Variants in OPCML observed in about 807,000 individuals in gnomAD.
OPCML encodes opioid-binding protein/cell adhesion molecule.
In OPCML, 13 loss-of-function variants were observed where a neutral mutation model predicts 37.8. The ratio of observed to expected loss-of-function variants is 0.34; its 90% CI spans 0.22 to 0.55. OPCML has a LOEUF of 0.55. Ranked by LOEUF, OPCML falls within the 20% of genes least tolerant of loss-of-function variation. OPCML has a pLI of 0.91. For synonymous variants in OPCML, 176 were observed against 168.8 expected, an observed-to-expected ratio of 1.04 and a Z score of -0.33; for missense variants, 341 against 435.6, an observed-to-expected ratio of 0.78 and a Z score of 1.93.
chr11:132,686,895 C>T (rs946350330), intron 2 of OPCML, among the ~76,000 whole-genome samples: 2 of 152,018 alleles, frequency 1.3e-5, no homozygotes, highest in Non-Finnish European at 2.9e-5. Flanking sequence ...GAGAAAAGGC[C>T]GTGGCACAGA....
At chr11:133,115,013 A>G (rs961944715) in intron 1 of OPCML, among the ~76,000 whole-genome samples, 1 of 152,206 alleles carries the variant, frequency 6.6e-6, no homozygotes. Context: ...ACAGTCTTCA[A>G]ACACTGGATC....
intron 1 of OPCML, among the ~76,000 whole-genome samples, chr11:133,344,049 A>G (rs565003369): frequency 3.2e-4 from 48 of 152,318 alleles, no homozygotes; most frequent in African/African-American, 1.1e-3. Context: ...AAACACATTG[A>G]CAAGGTGCGC....
chr11:133,488,888 G>T (rs571347722), intron 1 of OPCML, among the ~76,000 whole-genome samples: 2 of 149,380 alleles, frequency 1.3e-5, no homozygotes, highest in South Asian at 4.4e-4. Flanking sequence ...TAGATCAATG[G>T]GACAGAAGAG....
At chr11:133,271,209 G>C (rs1941819419) in intron 1 of OPCML, among the ~76,000 whole-genome samples, 2 of 152,240 alleles carry the variant, frequency 1.3e-5, no homozygotes, top group South Asian at 4.2e-4. Context: ...CATTTTTATA[G>C]AGATTAAAAA....
chr11:133,481,533 A>C (rs1237396336), intron 1 of OPCML, among the ~76,000 whole-genome samples: 1 of 152,216 alleles, frequency 6.6e-6, no homozygotes. Flanking sequence ...AAATGTATTC[A>C]GGCCATCCAT....
At chr11:133,283,346 C>G (rs1049048231) in intron 1 of OPCML, among the ~76,000 whole-genome samples, 1 of 151,986 alleles carries the variant, frequency 6.6e-6, no homozygotes, top group South Asian at 2.1e-4. Context: ...CGATATTTGG[C>G]TATTTAAAAG....
chr11:132,667,041 G>A (rs909057179), intron 2 of OPCML, among the ~76,000 whole-genome samples: 3 of 152,194 alleles, frequency 2.0e-5, no homozygotes, highest in African/African-American at 7.2e-5. Context: ...TAGAGTGAAG[G>A]AAGGAGTCAT....
chr11:132,526,641 T>C (rs1184686863), intron 4 of OPCML, among the ~76,000 whole-genome samples: 2 of 152,100 alleles, frequency 1.3e-5, no homozygotes, highest in African/African-American at 4.8e-5. Flanking sequence ...AAAGATCCAG[T>C]CTCTTATTTG....
At chr11:133,012,908 T>C (rs1359440688) in intron 1 of OPCML, among the ~76,000 whole-genome samples, 1 of 151,926 alleles carries the variant, frequency 6.6e-6, no homozygotes, top group African/African-American at 2.4e-5. Context: ...AGTCTGTACT[T>C]GGACTTTCCC....
chr11:133,531,855 T>G (rs1948612164), intron 1 of OPCML, among the ~76,000 whole-genome samples: 2 of 151,200 alleles, frequency 1.3e-5, no homozygotes. Flanking sequence ...CTGAGAGAGA[T>G]AAGAGGGTGC....
intron 1 of OPCML, among the ~76,000 whole-genome samples, chr11:133,218,640 T>C (rs927565645): frequency 6.6e-6 from 1 of 152,178 alleles, no homozygotes; most frequent in South Asian, 2.1e-4. Context: ...TGTCTGCAGC[T>C]GGCATAGAGG....
chr11:133,207,769 G>A (rs1053083954), intron 1 of OPCML, among the ~76,000 whole-genome samples: 1 of 152,272 alleles, frequency 6.6e-6, no homozygotes, highest in East Asian at 1.9e-4. Context: ...CTATTTGGCA[G>A]CCCAGGCTTC....
At chr11:133,289,574 G>C (rs866027998) in intron 1 of OPCML, among the ~76,000 whole-genome samples, 1 of 126,170 alleles carries the variant, frequency 7.9e-6, no homozygotes, top group Non-Finnish European at 1.6e-5. Context: ...CAGCCTGGGC[G>C]ACAGAGCGAG....
At chr11:133,121,113 G>A (rs1003073627) in intron 1 of OPCML, among the ~76,000 whole-genome samples, 2 of 152,072 alleles carry the variant, frequency 1.3e-5, no homozygotes, top group African/African-American at 4.8e-5. Context: ...ACTAGAGACG[G>A]GTTTCATGTT....
intron 1 of OPCML, among the ~76,000 whole-genome samples, chr11:133,017,138 GT>G (rs1947349146): frequency 1.3e-5 from 2 of 152,048 alleles, no homozygotes; most frequent in East Asian, 3.9e-4. Context: ...ATCTTTCTGT[GT>G]CCTCACGTGG....
intron 6 of OPCML, 73 bp from the exon 7 acceptor site, chr11:132,436,310 A>T: frequency 6.2e-7 from 1 of 1,608,846 alleles, no homozygotes; most frequent in South Asian, 1.1e-5. Context: ...TCTTTTCTCC[A>T]ACTAATCTCG....
intron 1 of OPCML, among the ~76,000 whole-genome samples, chr11:133,214,279 C>G (rs886734922): frequency 6.6e-6 from 1 of 151,928 alleles, no homozygotes; most frequent in Non-Finnish European, 1.5e-5. Flanking sequence ...ATCTATCTAA[C>G]GTCATTTATG....
chr11:133,357,145 A>G (rs1168247726), intron 1 of OPCML, among the ~76,000 whole-genome samples: 2 of 152,162 alleles, frequency 1.3e-5, no homozygotes, highest in African/African-American at 4.8e-5. Flanking sequence ...AATAACTGTT[A>G]TGTATTCTAC....
At chr11:132,743,293 T>C (rs982316067) in intron 2 of OPCML, among the ~76,000 whole-genome samples, 4 of 152,030 alleles carry the variant, frequency 2.6e-5, no homozygotes, top group Non-Finnish European at 5.9e-5. Flanking sequence ...CAAAAGGAAG[T>C]AGACTGCACA....
Sources: allele counts gnomAD v4.1 joint callset (sites outside exome capture counted in the v4.1 genomes callset), GRCh38; gene constraint gnomAD v4.1.1; transcripts MANE v1.5; gene names NCBI Gene and HGNC (gene_info 2026-07-23, HGNC 2026-07-21).